AP4S1: variants seen among roughly 807,000 people sequenced by gnomAD.
The protein encoded by AP4S1 is AP-4 complex subunit sigma-1.
In AP4S1, 23 loss-of-function variants were observed where a neutral mutation model predicts 19.8. That is an observed-to-expected ratio of 1.16 (90% CI 0.84 to 1.65). The LOEUF is 1.65. AP4S1 is among the 40% of genes most tolerant of loss of function. AP4S1 has a pLI of 0.00. For missense variants in AP4S1, 166 were observed against 172.8 expected (o/e 0.96, Z 0.22); for synonymous variants, 46 against 54.1 (o/e 0.85, Z 0.66).
intron 1 of AP4S1, among the ~76,000 whole-genome samples, chr14:31,030,637 C>G (rs1884335140): frequency 6.6e-6 from 1 of 152,202 alleles, no homozygotes; most frequent in South Asian, 2.1e-4. Context: ...GCATAAGCCA[C>G]TGAGCCCAGC....
intron 5 of AP4S1, among the ~76,000 whole-genome samples, chr14:31,092,074 G>A (rs1433138604): frequency 1.3e-5 from 2 of 152,110 alleles, no homozygotes; most frequent in Non-Finnish European, 2.9e-5. Flanking sequence ...CTTTCCCCAT[G>A]CCCCATACTA....
chr14:31,026,350 G>GCTGCCGC (rs1883934757), intron 1 of AP4S1: 1 of 617,710 alleles, frequency 1.6e-6, no homozygotes. Context: ...GGAGCTGCCG[G>GCTGCCGC]CTGCCGCCAT....
chr14:31,085,696 C>T (rs773071512), intron 5 of AP4S1: 484 of 682,938 alleles, frequency 7.1e-4, no homozygotes, highest in Non-Finnish European at 8.3e-4. Flanking sequence ...TCACTTGAGC[C>T]TGGGGGACTG....
At chr14:31,066,415 C>G (rs1566533016) in intron 2 of AP4S1, 81 bp downstream of exon 2, 2 of 1,566,228 alleles carry the variant, frequency 1.3e-6, no homozygotes, top group Non-Finnish European at 8.8e-7. Context: ...CAGGGGCCAT[C>G]ATTTTCTTTG....
At chr14:31,073,445 C>G (rs28534627) in intron 4 of AP4S1, among the ~76,000 whole-genome samples, 103,589 of 136,702 alleles carry the variant, frequency 0.76, 39,677 homozygotes, top group African/African-American at 0.82. Flanking sequence ...AGCCGAGATC[C>G]CGCCACTGCA....
chr14:31,026,151 G>A (rs1044282552), intron 1 of AP4S1: 5 of 1,488,976 alleles, frequency 3.4e-6, no homozygotes, highest in African/African-American at 2.9e-5. Flanking sequence ...CGCCATCCCC[G>A]GGCCGCCACC....
In AP4S1 at chr14:31,041,384, A is replaced by G. The variant is rs1885104112; in HGVS notation, c.-72+15597A>G. ...AGGCTGGTCTCAAACTCCTGACCTCAGGTATCCGCCTGCCTCGGCCTCCCA... is the reference window on the plus strand; with the variant it reads ...AGGCTGGTCTCAAACTCCTGACCTCGGGTATCCGCCTGCCTCGGCCTCCCA... On this transcript the variant is annotated intron_variant, in intron 1 of 5. Coordinates refer to ENST00000542754, the MANE Select transcript of AP4S1 (RefSeq NM_001128126.3). 2.0e-5 allele frequency among the ~76,000 whole-genome samples: 3 copies of G among 152,138 alleles called. No homozygotes were observed. The South Asian group carries it at 6.2e-4, about 31-fold the overall frequency.
At chr14:31,072,402 G>T (rs1566537235) in intron 3 of AP4S1, among the ~76,000 whole-genome samples, 1 of 151,690 alleles carries the variant, frequency 6.6e-6, no homozygotes, top group Non-Finnish European at 1.5e-5. Context: ...ATAGGACCTC[G>T]CTCTGTTTCC....
chr14:31,073,342 T>C (rs1246091402), intron 4 of AP4S1, among the ~76,000 whole-genome samples: 2 of 140,512 alleles, frequency 1.4e-5, no homozygotes, highest in African/African-American at 2.5e-5. Context: ...TACAAAAAAT[T>C]AGCTGGGCGT....
intron 4 of AP4S1, among the ~76,000 whole-genome samples, chr14:31,073,643 G>T (rs1887187083): frequency 6.8e-6 from 1 of 147,422 alleles, no homozygotes; most frequent in Non-Finnish European, 1.5e-5. Context: ...CGCTCTTGTT[G>T]CCCAGGCTGG....
intron 2 of AP4S1, among the ~76,000 whole-genome samples, chr14:31,067,666 G>A (rs1461480449): frequency 4.0e-5 from 6 of 151,494 alleles, no homozygotes; most frequent in African/African-American, 1.2e-4. Flanking sequence ...TTACAGGCTC[G>A]TGCCACCACA....
rs1888178728 is a variant in AP4S1, at chr14:31,095,526, C to T, written c.*2491C>T. 3 of 152,212 alleles carry T rather than the reference C, an allele frequency of 2.0e-5. No homozygotes were observed. The South Asian group carries it at 6.2e-4, about 32-fold the overall frequency. 9.4% of individuals were successfully genotyped at this position (152,212 alleles called of 1,614,324 possible). On this transcript the variant is annotated 3_prime_UTR_variant, in exon 6 of 6. Coordinates refer to ENST00000542754, the MANE Select transcript of AP4S1 (RefSeq NM_001128126.3). ...GTACCTCCTGGGCTCAGGTGCTCCT[C>T]CCACCTCAGCCTCCTGAGTAACTGG...
intron 1 of AP4S1, among the ~76,000 whole-genome samples, chr14:31,046,257 A>G (rs34399663): frequency 0.11 from 16,855 of 152,006 alleles, 1,258 homozygotes; most frequent in Non-Finnish European, 0.16. Context: ...ACACCCAGCC[A>G]GAAGATTTTT....
chr14:31,079,446 G>A (rs1315705655), intron 4 of AP4S1, among the ~76,000 whole-genome samples: 2 of 151,962 alleles, frequency 1.3e-5, no homozygotes, highest in African/African-American at 2.4e-5. Flanking sequence ...GGACACGGCT[G>A]CACATTCGGA....
intron 1 of AP4S1, among the ~76,000 whole-genome samples, chr14:31,051,255 CAAAA>C (rs1187415787): frequency 1.8e-5 from 2 of 113,828 alleles, no homozygotes; most frequent in Non-Finnish European, 1.9e-5. Context: ...AACCGTGTCT[CAAAA>C]AAAAAAAAAA....
At chr14:31,057,044 A>T (rs4981817) in intron 1 of AP4S1, among the ~76,000 whole-genome samples, 1 of 151,874 alleles carries the variant, frequency 6.6e-6, no homozygotes, top group African/African-American at 2.4e-5. Flanking sequence ...ACTACACTCC[A>T]GCCTCGGTGA....
intron 1 of AP4S1, among the ~76,000 whole-genome samples, chr14:31,050,192 G>C (rs917745663): frequency 1.3e-5 from 2 of 152,184 alleles, no homozygotes; most frequent in Non-Finnish European, 2.9e-5. Flanking sequence ...AAAGTGCTGG[G>C]ATTACAGGCG....
chr14:31,035,074 A>G (rs767219523), intron 1 of AP4S1, among the ~76,000 whole-genome samples: 1 of 152,084 alleles, frequency 6.6e-6, no homozygotes, highest in African/African-American at 2.4e-5. Context: ...AATACCAGAC[A>G]TTATATTATT....
chr14:31,060,422 C>A (rs1347424533), intron 1 of AP4S1, among the ~76,000 whole-genome samples: 1 of 152,168 alleles, frequency 6.6e-6, no homozygotes, highest in Non-Finnish European at 1.5e-5. Context: ...TTACTGTAGA[C>A]CAGCGCCTTT....
Sources: gnomAD v4.1 joint callset for allele counts (sites outside exome capture counted in the v4.1 genomes callset) on GRCh38, gnomAD v4.1.1 for gene constraint, MANE v1.5 for transcripts, NCBI Gene and HGNC (gene_info 2026-07-23, HGNC 2026-07-21) for gene names.